The following CSMD3 variants were observed in gnomAD, a reference collection of about 807,000 sequenced individuals.
CSMD3 encodes the protein CUB and sushi domain-containing protein 3.
A neutral mutation model predicts 435.2 loss-of-function variants in CSMD3; 177 were observed. The observed-to-expected ratio is 0.41, with a 90% CI of 0.36 to 0.46. The LOEUF (loss-of-function observed/expected upper bound fraction) is 0.46. CSMD3 is among the 20% of genes least tolerant of loss of function. The pLI is 0.34. For missense variants in CSMD3, 4,265 were observed against 4,504.6 expected (o/e 0.95, Z 1.52); for synonymous variants, 1,656 against 1,520.5 (o/e 1.09, Z -2.07).
chr8:112,284,681 A>G (rs564291578), intron 58 of CSMD3, among the ~76,000 whole-genome samples: 2 of 152,016 alleles, frequency 1.3e-5, no homozygotes, highest in East Asian at 1.9e-4. Context: ...TAAAAATTAC[A>G]TTTTCATAAT....
intron 5 of CSMD3, among the ~76,000 whole-genome samples, chr8:113,046,471 G>C (rs1374139019): frequency 7.8e-6 from 1 of 128,300 alleles, no homozygotes; most frequent in East Asian, 1.9e-4. Context: ...TCTGAAGTCC[G>C]CGGGCCTGAG....
At chr8:112,396,491 C>T (rs1335160155) in intron 35 of CSMD3, among the ~76,000 whole-genome samples, 1 of 152,034 alleles carries the variant, frequency 6.6e-6, no homozygotes, top group Admixed American at 6.6e-5. Flanking sequence ...AGTTTGAAAC[C>T]TCAGATTTGT....
At chr8:112,293,867 T>C (rs1820009278) in intron 54 of CSMD3, among the ~76,000 whole-genome samples, 1 of 152,150 alleles carries the variant, frequency 6.6e-6, no homozygotes, top group South Asian at 2.1e-4. Context: ...AATGTCAACC[T>C]ACCCATTTGG....
chr8:112,306,301 A>G (rs1394245150), intron 50 of CSMD3, 109 bp from the exon 51 acceptor site: 5 of 782,834 alleles, frequency 6.4e-6, no homozygotes, highest in East Asian at 2.7e-5. Context: ...ATTTTTATCA[A>G]TTCCTCTGAA....
At chr8:112,392,864 C>CTTTTTTTTTTTTTTTTTTTTT in intron 35 of CSMD3, among the ~76,000 whole-genome samples, 1 of 122,166 alleles carries the variant, frequency 8.2e-6, no homozygotes, top group Non-Finnish European at 1.7e-5. Context: ...TCTTTTTTTT[C>CTTTTTTTTTTTTTTTTTTTTT]TTTTTTTTTT....
chr8:112,705,301 T>C (rs978930495), intron 13 of CSMD3, among the ~76,000 whole-genome samples: 5 of 152,070 alleles, frequency 3.3e-5, no homozygotes, highest in Non-Finnish European at 7.4e-5. Context: ...GAAATGAATC[T>C]GCACAACAAA....
At chr8:112,410,585 C>CATATGTATATATATATGTGTATATATAT (rs1554670591) in intron 32 of CSMD3, among the ~76,000 whole-genome samples, 3,157 of 73,988 alleles carry the variant, frequency 0.043, 280 homozygotes, top group African/African-American at 0.1. Flanking sequence ...TATATACATA[C>CATATGTATATATATATGTGTATATATAT]ATATGTATAT....
chr8:112,550,844 G>A lies in CSMD3; in HGVS notation c.4391C>T (p.Ala1464Val), dbSNP rs1254900245. 3.1e-6 allele frequency: 5 copies of A among 1,611,710 alleles called. No homozygotes were observed. Among genetic ancestry groups the A allele is most frequent in the Non-Finnish European group, 4.2e-6 (5 of 1,178,188 alleles). ...SLQFLAFDTE[A>V]SHDILRVWDG... ...CCAGACTCGGAGTATATCATGTGAT[G>A]CTTCCGTATCAAAAGCAAGAAACTG... The change falls in exon 27 of 71, where the codon GCA becomes GTA. Residue 1464 changes from alanine to valine, a missense_variant. Physicochemically the swap from Ala to Val is moderately conservative, Grantham distance 64. This residue lies in a region of CSMD3 where 3,255 missense variants were observed against 3,380.2 expected (regional missense o/e 0.96). Coordinates refer to ENST00000297405, the MANE Select transcript of CSMD3 (RefSeq NM_198123.2).
intron 31 of CSMD3, among the ~76,000 whole-genome samples, chr8:112,483,860 A>T (rs1271383862): frequency 6.6e-6 from 1 of 152,144 alleles, no homozygotes; most frequent in Non-Finnish European, 1.5e-5. Context: ...TCTCTAGGAG[A>T]AGTTCATGGC....
chr8:112,971,531 C>T (rs1271733391), intron 7 of CSMD3, among the ~76,000 whole-genome samples: 2 of 151,978 alleles, frequency 1.3e-5, no homozygotes, highest in East Asian at 1.9e-4. Context: ...TTATAACAAC[C>T]CTGATGTAAT....
intron 10 of CSMD3, among the ~76,000 whole-genome samples, chr8:112,887,094 A>G (rs1277922718): frequency 2.6e-5 from 4 of 151,536 alleles, no homozygotes; most frequent in African/African-American, 7.3e-5. Flanking sequence ...AAAATGAGGT[A>G]AAATAGCACT....
At chr8:112,377,559 C>A (rs907539748) in intron 38 of CSMD3, among the ~76,000 whole-genome samples, 3 of 152,076 alleles carry the variant, frequency 2.0e-5, no homozygotes, top group Non-Finnish European at 4.4e-5. Flanking sequence ...AAAGTATAAT[C>A]CAATATCCCT....
intron 1 of CSMD3, among the ~76,000 whole-genome samples, chr8:113,319,043 A>G (rs556003174): frequency 6.6e-6 from 1 of 152,090 alleles, no homozygotes; most frequent in South Asian, 2.1e-4. Context: ...TGGTTCTTGT[A>G]TCTCATTTTG....
chr8:112,462,247 A>T (rs1817521483), intron 32 of CSMD3, among the ~76,000 whole-genome samples: 1 of 152,370 alleles, frequency 6.6e-6, no homozygotes, highest in African/African-American at 2.4e-5. Flanking sequence ...CTGGTATGAA[A>T]TAGCCTAACA....
At chr8:112,262,233 T>G (rs761177853) in intron 61 of CSMD3, among the ~76,000 whole-genome samples, 1 of 152,020 alleles carries the variant, frequency 6.6e-6, no homozygotes, top group Non-Finnish European at 1.5e-5. Context: ...AAAATGTCCA[T>G]TCTTTCCCTA....
At chr8:113,335,340 A>G (rs1490362319) in intron 1 of CSMD3, among the ~76,000 whole-genome samples, 2 of 151,994 alleles carry the variant, frequency 1.3e-5, no homozygotes, top group Admixed American at 6.6e-5. Flanking sequence ...AACTAATACA[A>G]TGGTAATCTG....
At position 112,476,966 on chromosome 8, in the gene CSMD3, T is replaced by TTTCTC. The variant is rs560390127; in HGVS notation, c.5279-4264_5279-4260dup. On this transcript the variant is annotated intron_variant, in intron 31 of 70. Coordinates refer to ENST00000297405, the MANE Select transcript of CSMD3 (RefSeq NM_198123.2). Reference sequence around the variant, plus strand: ...TTTCTAAAACATAAGACTTATCATATTTCTCTTCTCTTCTCTTCTCAGGAC... The same window carrying TTTCTC: ...TTTCTAAAACATAAGACTTATCATATTTCTCTTCTCTTCTCTTCTCTTCTCAGGAC... Among the ~76,000 whole-genome samples, 205 of 152,314 alleles carry TTTCTC rather than the reference T, an allele frequency of 1.3e-3. 1 individual carries two copies. The highest frequency in any genetic ancestry group is 4.5e-3 in the African/African-American group (189 of 41,574).
chr8:112,378,930 A>AT (rs1829211707), intron 38 of CSMD3, among the ~76,000 whole-genome samples: 2 of 152,174 alleles, frequency 1.3e-5, no homozygotes, highest in African/African-American at 2.4e-5. Flanking sequence ...AATATGAATA[A>AT]TTATTATGTA....
At chr8:113,367,386 A>AT (rs1451638517) in intron 1 of CSMD3, among the ~76,000 whole-genome samples, 1 of 151,976 alleles carries the variant, frequency 6.6e-6, no homozygotes, top group East Asian at 1.9e-4. Flanking sequence ...AATTTACTTC[A>AT]TTTTTTAATA....
Sources: allele counts gnomAD v4.1 joint callset (sites outside exome capture counted in the v4.1 genomes callset), GRCh38; gene constraint gnomAD v4.1.1; regional missense constraint gnomAD v4.1.1; transcripts MANE v1.5; gene names NCBI Gene and HGNC (gene_info 2026-07-23, HGNC 2026-07-21).